KIF4A: variants seen among roughly 807,000 people sequenced by gnomAD.
KIF4A encodes the protein chromosome-associated kinesin KIF4A.
In KIF4A, 7 loss-of-function variants were observed where a neutral mutation model predicts 105.9. The observed-to-expected ratio is 0.07, with a 90% CI of 0.04 to 0.12. The LOEUF is 0.12. KIF4A is among the 10% of genes least tolerant of loss of function. The probability of loss-of-function intolerance (pLI) is 1.00; values close to 1 mark genes in which losing one functional copy is unlikely to be tolerated. For missense variants in KIF4A, 558 were observed against 929.2 expected (o/e 0.60, Z 5.19); for synonymous variants, 281 against 331.3 (o/e 0.85, Z 1.65).
chrX:70,309,402 T>C (rs2085840124), intron 7 of KIF4A, among the ~76,000 whole-genome samples: 1 of 112,301 alleles, frequency 8.9e-6, no homozygotes, highest in South Asian at 3.7e-4. Context: ...GAGTTGTTTA[T>C]ATATTCTGGA....
At chrX:70,402,415 A>G (rs2086285520) in intron 22 of KIF4A, 151 bp from the exon 23 acceptor site, 1 of 683,478 alleles carries the variant, frequency 1.5e-6, no homozygotes, top group South Asian at 3.4e-5. Context: ...GATACTATGT[A>G]AAATCCTAAC....
chrX:70,355,022 GA>G (rs1271505326), intron 15 of KIF4A, among the ~76,000 whole-genome samples: 2 of 111,431 alleles, frequency 1.8e-5, no homozygotes, highest in African/African-American at 6.5e-5. Context: ...TCCATTTGAA[GA>G]GGGGCCATCT....
intron 8 of KIF4A, 103 bp from the exon 9 acceptor site, chrX:70,330,054 T>TA (rs993540412): frequency 1.5e-6 from 1 of 648,409 alleles, no homozygotes; most frequent in African/African-American, 2.2e-5. Flanking sequence ...AACTTTTTCT[T>TA]ATAGCTCTGA....
chrX:70,347,239 C>CTCTGG (rs112842133), intron 13 of KIF4A, among the ~76,000 whole-genome samples: 3 of 110,933 alleles, frequency 2.7e-5, no homozygotes, highest in Non-Finnish European at 5.7e-5. Context: ...GCACAGTGTA[C>CTCTGG]CCTTGTTCCC....
rs1319394848 is a variant in KIF4A, at chrX:70,387,205, C to T, written c.2140C>T (p.Leu714Phe). The change falls in exon 20 of 31, where the codon CTC (leucine) becomes TTC (phenylalanine). Residue 714 changes from leucine to phenylalanine, a missense_variant. Leu to Phe is a conservative substitution (Grantham distance 22). This residue lies in a region of KIF4A where 469 missense variants were observed against 680.4 expected (regional missense o/e 0.69). Coordinates refer to ENST00000374403, the MANE Select transcript of KIF4A (RefSeq NM_012310.5). ...TTAGGCAGCAGCTGCCAACAAGCGT[C>T]TCAAGGATGCTCTCCAGAAACAACG... The part of the protein sequence containing the change: ...TEEAAAANKR[L>F]KDALQKQREV... 2 of 1,182,846 alleles carry T rather than the reference C, an allele frequency of 1.7e-6. No individual in the cohort carries two copies. The highest frequency in any genetic ancestry group is 2.3e-6 in the Non-Finnish European group (2 of 880,170).
chrX:70,381,500 G>A (rs767570151), intron 18 of KIF4A, among the ~76,000 whole-genome samples: 2 of 111,502 alleles, frequency 1.8e-5, no homozygotes, highest in Admixed American at 9.6e-5. Flanking sequence ...TCATGCCACT[G>A]CACCACTCCA....
chrX:70,417,102 AC>A (rs751146284), intron 28 of KIF4A, among the ~76,000 whole-genome samples: 164 of 113,100 alleles, frequency 1.5e-3, no homozygotes, highest in African/African-American at 5.2e-3. Flanking sequence ...CATCCAGCTC[AC>A]AGTGCTTCAC....
At chrX:70,307,575 G>T (rs1477044091) in intron 7 of KIF4A, among the ~76,000 whole-genome samples, 1 of 111,834 alleles carries the variant, frequency 8.9e-6, no homozygotes, top group East Asian at 2.8e-4. Flanking sequence ...CTTCATAGGT[G>T]CCCTACCAGG....
intron 14 of KIF4A, among the ~76,000 whole-genome samples, chrX:70,353,377 G>A (rs2086038738): frequency 8.9e-6 from 1 of 111,952 alleles, no homozygotes; most frequent in African/African-American, 3.2e-5. Context: ...AAAGGAAAGA[G>A]CAAAGAAAGT....
chrX:70,387,953 T>G (rs1015328999), intron 20 of KIF4A, among the ~76,000 whole-genome samples: 2 of 111,771 alleles, frequency 1.8e-5, no homozygotes, highest in Non-Finnish European at 3.8e-5. Flanking sequence ...AATGACAGTG[T>G]GCTTCATTGC....
At chrX:70,356,511 C>T (rs750936488) in intron 15 of KIF4A, among the ~76,000 whole-genome samples, 171 of 111,546 alleles carry the variant, frequency 1.5e-3, no homozygotes, top group African/African-American at 5.0e-3. Context: ...TGCAGTGAGT[C>T]GAGATTGCAC....
chrX:70,343,380 G>A (rs748578465), intron 11 of KIF4A, among the ~76,000 whole-genome samples: 47 of 110,484 alleles, frequency 4.3e-4, no homozygotes, highest in African/African-American at 1.5e-3. Context: ...AACATGCCAG[G>A]AAATATTGCT....
At chrX:70,297,274 C>T in intron 4 of KIF4A, 86 bp downstream of exon 4, 2 of 829,083 alleles carry the variant, frequency 2.4e-6, no homozygotes, top group Non-Finnish European at 3.4e-6. Context: ...CCTGACATGA[C>T]TCAAATTAGT....
chrX:70,298,820 A>G (rs1372139225), intron 4 of KIF4A, among the ~76,000 whole-genome samples: 8 of 112,237 alleles, frequency 7.1e-5, no homozygotes, highest in African/African-American at 2.3e-4. Flanking sequence ...AAAGAACTGA[A>G]TTTGCGTGGT....
intron 5 of KIF4A, 26 bp downstream of exon 5, chrX:70,299,228 A>G (rs2085795316): frequency 8.7e-7 from 1 of 1,151,971 alleles, no homozygotes; most frequent in Non-Finnish European, 1.2e-6. Context: ...ATTTGATGTT[A>G]TTAAAAAAAT....
chrX:70,314,895 G>A (rs764465793), intron 7 of KIF4A, among the ~76,000 whole-genome samples: 11 of 111,112 alleles, frequency 9.9e-5, no homozygotes, highest in African/African-American at 2.9e-4. Context: ...AGATTTGTCC[G>A]TTGAGGTTTT....
chrX:70,290,238 T>C, intron 1 of KIF4A, 88 bp downstream of exon 1: 1 of 375,900 alleles, frequency 2.7e-6, no homozygotes, highest in Admixed American at 5.2e-5. Flanking sequence ...CCCGTTGGAG[T>C]TTTTTCTTTG....
chrX:70,331,647 A>AC (rs1182558475), intron 9 of KIF4A, among the ~76,000 whole-genome samples: 1 of 110,763 alleles, frequency 9.0e-6, no homozygotes, highest in Non-Finnish European at 1.9e-5. Context: ...TGTAAAAAAA[A>AC]AACCACAGTA....
intron 15 of KIF4A, among the ~76,000 whole-genome samples, chrX:70,363,364 A>G (rs2086085420): frequency 9.0e-6 from 1 of 110,912 alleles, no homozygotes; most frequent in Non-Finnish European, 1.9e-5. Context: ...ATTTAACATT[A>G]GGTATATCTC....
Sources: allele counts gnomAD v4.1 joint callset (sites outside exome capture counted in the v4.1 genomes callset), GRCh38; gene constraint gnomAD v4.1.1; regional missense constraint gnomAD v4.1.1; transcripts MANE v1.5; gene names NCBI Gene and HGNC (gene_info 2026-07-23, HGNC 2026-07-21).